Variants in PLEKHG5 observed in about 807,000 individuals in gnomAD.
PLEKHG5 encodes pleckstrin homology and RhoGEF domain containing G5.
A neutral mutation model predicts 103.8 loss-of-function variants in PLEKHG5; 52 were observed. The observed-to-expected ratio is 0.50, with a 90% confidence interval of 0.40 to 0.63. The LOEUF (loss-of-function observed/expected upper bound fraction) is 0.63, where lower values mean the gene tolerates loss of function less well. Ranked by LOEUF, PLEKHG5 falls within the 30% of genes least tolerant of loss-of-function variation. PLEKHG5 has a pLI of 0.00. For synonymous variants in PLEKHG5, 592 were observed against 575.5 expected, an observed-to-expected ratio of 1.03 and a Z score of -0.41; for missense variants, 1,205 against 1,347.6, an observed-to-expected ratio of 0.89 and a Z score of 1.66.
At chr1:6,473,976 T>TCC in intron 7 of PLEKHG5, 37 bp downstream of exon 7, 75 of 1,265,498 alleles carry the variant, frequency 5.9e-5, no homozygotes, top group Middle Eastern at 2.7e-4. Flanking sequence ...CTGGGCCCCT[T>TCC]CCCACCCCCT....
At position 6,469,683 on chromosome 1, in the gene PLEKHG5, TGGC is replaced by T. The variant is rs1644509158; in HGVS notation, c.1801-10_1801-8del. 6.2e-7 allele frequency: 1 copy of T among 1,611,256 alleles called. No individual in the cohort carries two copies. The highest frequency in any genetic ancestry group is 1.1e-5 in the South Asian group (1 of 91,036). On this transcript the variant is annotated splice_polypyrimidine_tract_variant and splice_region_variant and intron_variant, in intron 16 of 20. Transcript: ENST00000377728. ...GGAAGCAGTACACATCCATCTGCAG[TGGC>T]AGGAGGGGGGGTGGCCAGAGAGGCC...
chr1:6,481,019 CTT>C (rs1644883927), intron 1 of PLEKHG5, among the ~76,000 whole-genome samples: 1 of 152,264 alleles, frequency 6.6e-6, no homozygotes, highest in East Asian at 1.9e-4. Context: ...CTGGCTCCAC[CTT>C]TAGTATCTGT....
In PLEKHG5 at chr1:6,467,178, A is replaced by G. The variant is rs1460635047; in HGVS notation, c.*385T>C. 7.1e-6 allele frequency: 3 copies of G among 424,672 alleles called. No individual in the cohort carries two copies. The highest frequency in any genetic ancestry group is 1.3e-5 in the Non-Finnish European group (3 of 227,154). The allele number at this position is 424,672 out of a possible 1,614,324, so 26.3% of individuals were successfully genotyped here. A position where few individuals can be genotyped will look rare whatever the true frequency, so the allele number is the denominator to read the frequency against. On this transcript the variant is annotated 3_prime_UTR_variant, in exon 21 of 21. Coordinates refer to ENST00000377728, the MANE Select transcript of PLEKHG5 (RefSeq NM_020631.6). ...AAAAGCTCAATAAATACGTAACTTC[A>G]CAGAACCCAGCCCAAGCCAGGGGTG... is the stretch of plus-strand genomic sequence containing the variant.
At chr1:6,507,672 G>A (rs1291498173) in intron 1 of PLEKHG5, among the ~76,000 whole-genome samples, 2 of 152,222 alleles carry the variant, frequency 1.3e-5, no homozygotes, top group Non-Finnish European at 2.9e-5. Context: ...GGGTGCTGGA[G>A]TGGCCATCCA....
intron 1 of PLEKHG5, among the ~76,000 whole-genome samples, chr1:6,517,712 G>A (rs1019172105): frequency 3.3e-5 from 5 of 152,196 alleles, no homozygotes; most frequent in Non-Finnish European, 7.3e-5. Flanking sequence ...TGTCGGGCCA[G>A]CCATCAGGGA....
chr1:6,472,392 C>T, intron 10 of PLEKHG5, 135 bp downstream of exon 10: 1 of 727,654 alleles, frequency 1.4e-6, no homozygotes, highest in Non-Finnish European at 2.4e-6. Flanking sequence ...TCCCTGGGCG[C>T]AGCCCTTGTC....
intron 9 of PLEKHG5, 56 bp downstream of exon 9, chr1:6,472,930 C>G: frequency 1.9e-6 from 3 of 1,547,570 alleles, no homozygotes; most frequent in Non-Finnish European, 2.7e-6. Context: ...TGGGTCCTCC[C>G]GAGGGCTGTC....
intron 16 of PLEKHG5, 141 bp from the exon 17 acceptor site, chr1:6,469,817 AG>A: frequency 5.4e-6 from 4 of 737,720 alleles, no homozygotes; most frequent in Non-Finnish European, 4.6e-6. Flanking sequence ...TAAAATGAAG[AG>A]GAAGATGATT....
chr1:6,473,942 C>T lies in PLEKHG5; in HGVS notation c.591+71G>A, dbSNP rs74049586. 0.014 allele frequency: 20,170 copies of T among 1,440,638 alleles called. 1,402 individuals are homozygous for T. The African/African-American group carries it at 0.19, about 13-fold the overall frequency. The allele number at this position is 1,440,638 out of a possible 1,614,324, so 89.2% of individuals were successfully genotyped here. ...AGTGAGAGACCCAGGGTGACTGCCT[C>T]TGAGGAGGGGCTGTGGGCCCAGCCT... is the stretch of plus-strand genomic sequence containing the variant. On this transcript the variant is annotated intron_variant, in intron 7 of 20. Coordinates refer to ENST00000377728, the MANE Select transcript of PLEKHG5 (RefSeq NM_020631.6).
In PLEKHG5 at chr1:6,473,162, T is replaced by A; in HGVS notation, c.808A>T (p.Met270Leu). Residue 270 changes from methionine (M) to leucine (L), a missense_variant, in exon 9 of 21, where the codon ATG (methionine) becomes TTG (leucine). Physicochemically the swap from Met to Leu is conservative, Grantham distance 15. Coordinates refer to ENST00000377728, the MANE Select transcript of PLEKHG5 (RefSeq NM_020631.6). ...TSAFGREVDK[M>L]EQLEGKLHTY... Reference sequence around the variant, plus strand: ...TGCAGCTTGCCCTCCAGCTGCTCCATCTTGTCTACCTCCTGGAAAGATACC... The same window carrying A: ...TGCAGCTTGCCCTCCAGCTGCTCCAACTTGTCTACCTCCTGGAAAGATACC... 3 of 1,613,872 alleles carry A rather than the reference T, an allele frequency of 1.9e-6. No individual in the cohort carries two copies. Among genetic ancestry groups the A allele is most frequent in the Non-Finnish European group, 2.5e-6 (3 of 1,179,996 alleles).
At chr1:6,471,697 G>C in intron 11 of PLEKHG5, 60 bp from the exon 12 acceptor site, 1 of 1,580,944 alleles carries the variant, frequency 6.3e-7, no homozygotes, top group Non-Finnish European at 8.6e-7. Context: ...CCCGCCCCAG[G>C]TCCAGGTCCC....
Position 6,471,702 on chromosome 1 carries a change from G to A in PLEKHG5, c.1131+56C>T, listed in dbSNP as rs574548486. The A allele has an allele frequency of 1.1e-5, 17 of 1,584,572 alleles. No homozygotes were observed. The South Asian group carries it at 1.8e-4, about 17-fold the overall frequency. ...CCAGGTTAGCCCCGCCCCAGGTCCA[G>A]GTCCCGCCCTCCTTCCTGGTACCTC... is the stretch of plus-strand genomic sequence containing the variant. On this transcript the variant is annotated intron_variant, in intron 11 of 20. Transcript: ENST00000377728.
intron 1 of PLEKHG5, among the ~76,000 whole-genome samples, chr1:6,482,691 A>AT (rs1458197334): frequency 2.6e-5 from 4 of 152,152 alleles, no homozygotes; most frequent in South Asian, 2.1e-4. Flanking sequence ...ATCCCAGATT[A>AT]TTATTTATTT....
chr1:6,516,638 C>T (rs576720649), intron 1 of PLEKHG5, among the ~76,000 whole-genome samples: 2 of 152,028 alleles, frequency 1.3e-5, no homozygotes, highest in African/African-American at 4.8e-5. Context: ...GCCTGGGCAA[C>T]ACAGTGAGAC....
intron 1 of PLEKHG5, among the ~76,000 whole-genome samples, chr1:6,513,543 C>T (rs1395317923): frequency 6.6e-6 from 1 of 152,246 alleles, no homozygotes; most frequent in Non-Finnish European, 1.5e-5. Context: ...CAAGCCAGCA[C>T]AGCTACATTC....
rs568824796 is a variant in PLEKHG5, at chr1:6,477,647, G to A, written c.-76C>T. The A allele has an allele frequency of 1.0e-5, 16 of 1,604,214 alleles. No individual in the cohort carries two copies. The highest frequency in any genetic ancestry group is 2.7e-5 in the African/African-American group (2 of 74,276). ...GGCGGTGCAGCTGCTGGCAGTCGGC[G>A]TGGTGACATACCTGGGGTGGGGACA... On this transcript the variant is annotated 5_prime_UTR_variant, in exon 2 of 21. The change creates a new upstream start codon in the 5' untranslated region. Transcript: ENST00000377728.
chr1:6,477,463 C>A, intron 2 of PLEKHG5, 66 bp downstream of exon 2: 1 of 1,550,894 alleles, frequency 6.4e-7, no homozygotes, highest in Admixed American at 1.7e-5. Context: ...AGCACGTTTC[C>A]GACAGTTACT....
Position 6,470,352 on chromosome 1 carries a change from G to A in PLEKHG5, c.1684C>T (p.Leu562=). 1 of 1,614,046 alleles carries A rather than the reference G, an allele frequency of 6.2e-7. No individual in the cohort carries two copies. Among genetic ancestry groups the A allele is most frequent in the Non-Finnish European group, 8.5e-7 (1 of 1,180,008 alleles). The change falls in exon 16 of 21, where the codon CTG becomes TTG. Residue 562 remains leucine, a synonymous_variant. Coordinates refer to ENST00000377728, the MANE Select transcript of PLEKHG5 (RefSeq NM_020631.6). ...ESSSDEVDKL[L]KEFLHLDLTA... is the part of the protein sequence containing the mutation. ...AAGTCCAGGTGCAGAAATTCCTTCA[G>A]GAGCTGGGGACGGATGGCGTGAACG... is the stretch of plus-strand genomic sequence containing the variant.
chr1:6,511,839 G>A (rs756449552), intron 1 of PLEKHG5, among the ~76,000 whole-genome samples: 21 of 152,226 alleles, frequency 1.4e-4, no homozygotes, highest in Non-Finnish European at 2.6e-4. Context: ...AATAGAGGAA[G>A]GGGGAGAGGG....
Sources: allele counts gnomAD v4.1 joint callset (sites outside exome capture counted in the v4.1 genomes callset), GRCh38; gene constraint gnomAD v4.1.1; transcripts MANE v1.5; gene names NCBI Gene and HGNC (gene_info 2026-07-23, HGNC 2026-07-21).